EGFR: variants seen among roughly 807,000 people sequenced by gnomAD.
EGFR encodes epidermal growth factor receptor.
In EGFR, 58 loss-of-function variants were observed where a neutral mutation model predicts 143.0. That is an observed-to-expected ratio of 0.41 (90% CI 0.33 to 0.50). The LOEUF (loss-of-function observed/expected upper bound fraction) is 0.50, where lower values mean the gene tolerates loss of function less well. Among genes scored for constraint, EGFR ranks in the 20% least tolerant of loss-of-function variants. The pLI, the probability that EGFR is intolerant of heterozygous loss-of-function variation, is 0.39. For missense variants in EGFR, 1,307 were observed against 1,579.0 expected (o/e 0.83, Z 2.92); for synonymous variants, 613 against 594.4 (o/e 1.03, Z -0.45).
intron 14 of EGFR, among the ~76,000 whole-genome samples, chr7:55,164,955 A>T (rs975914992): frequency 6.6e-6 from 1 of 152,338 alleles, no homozygotes. Flanking sequence ...CTGACCATAA[A>T]TACACATTTG....
At chr7:55,058,172 G>T (rs940304673) in intron 1 of EGFR, among the ~76,000 whole-genome samples, 4 of 152,180 alleles carry the variant, frequency 2.6e-5, no homozygotes, top group Admixed American at 2.0e-4. Flanking sequence ...GAGGCGGGTG[G>T]ATCACGAGGT....
chr7:55,140,024 T>C (rs1189959399), intron 1 of EGFR, among the ~76,000 whole-genome samples: 1 of 151,862 alleles, frequency 6.6e-6, no homozygotes, highest in Non-Finnish European at 1.5e-5. Context: ...ATTCAAAAAG[T>C]GCTAAATAAG....
chr7:55,178,730 T>G (rs1227463103), intron 19 of EGFR, among the ~76,000 whole-genome samples: 1 of 152,234 alleles, frequency 6.6e-6, no homozygotes, highest in Non-Finnish European at 1.5e-5. Flanking sequence ...ATTAAATATC[T>G]CCTCTCTTCT....
chr7:55,089,223 A>C (rs1025564975), intron 1 of EGFR, among the ~76,000 whole-genome samples: 1 of 152,098 alleles, frequency 6.6e-6, no homozygotes, highest in Non-Finnish European at 1.5e-5. Context: ...CAGCCTATGC[A>C]TGTAATGGCT....
rs1788218341 is a variant in EGFR, at chr7:55,210,703, A to G, written c.*5086A>G. On this transcript the variant is annotated 3_prime_UTR_variant, in exon 28 of 28. Transcript: ENST00000275493. ...AGGTTCTCCAAGCACTAGAAGGGAG[A>G]GTGTCTAAACAATGGTTGAAAAGCA... 1 of 152,212 alleles carries G rather than the reference A, an allele frequency of 6.6e-6. No individual in the cohort carries two copies. Among genetic ancestry groups the G allele is most frequent in the Admixed American group, 6.5e-5 (1 of 15,288 alleles). The allele number at this position is 152,212 out of a possible 1,614,324, so 9.4% of individuals were successfully genotyped here.
intron 1 of EGFR, among the ~76,000 whole-genome samples, chr7:55,080,663 GA>G (rs917163927): frequency 1.3e-5 from 2 of 152,092 alleles, no homozygotes; most frequent in Non-Finnish European, 2.9e-5. Context: ...TTGTATACAT[GA>G]AAATTGCTAA....
chr7:55,026,759 C>T (rs1786911633), intron 1 of EGFR, among the ~76,000 whole-genome samples: 2 of 152,150 alleles, frequency 1.3e-5, no homozygotes, highest in African/African-American at 2.4e-5. Context: ...TAATCTCCCT[C>T]ACCCTAAAAC....
At chr7:55,071,127 T>A (rs970215624) in intron 1 of EGFR, among the ~76,000 whole-genome samples, 1 of 152,192 alleles carries the variant, frequency 6.6e-6, no homozygotes, top group Non-Finnish European at 1.5e-5. Context: ...GCCCTGACAC[T>A]GAGCAAGTTT....
chr7:55,145,713 G>A (rs1584150089), intron 3 of EGFR, among the ~76,000 whole-genome samples: 1 of 152,320 alleles, frequency 6.6e-6, no homozygotes, highest in Non-Finnish European at 1.5e-5. Flanking sequence ...AGTCACAGAT[G>A]CTCATTGCAC....
Position 55,146,619 on chromosome 7 carries a change from C to G in EGFR, c.438C>G (p.Gly146=), listed in dbSNP as rs199637112. The stretch of plus-strand genomic sequence containing the variant: ...ATTCTCCCGCAGAAATCCTGCATGG[C>G]GCCGTGCGGTTCAGCAACAACCCTG... The part of the protein sequence containing the change: ...PMRNLQEILH[G]AVRFSNNPAL... Residue 146 remains glycine (G), a synonymous_variant, in exon 4 of 28, where the codon GGC becomes GGG. Coordinates refer to ENST00000275493, the MANE Select transcript of EGFR (RefSeq NM_005228.5). 12 of 1,613,982 alleles carry G rather than the reference C, an allele frequency of 7.4e-6. No homozygotes were observed. The Admixed American group carries it at 1.0e-4, about 13-fold the overall frequency.
intron 23 of EGFR, among the ~76,000 whole-genome samples, 169 bp downstream of exon 23, chr7:55,199,032 C>T (rs942514914): frequency 3.2e-4 from 49 of 152,246 alleles, no homozygotes; most frequent in African/African-American, 1.1e-3. Context: ...CTTTTAAAGA[C>T]ACTTCTTGAC....
chr7:55,024,755 T>G (rs147794808), intron 1 of EGFR, among the ~76,000 whole-genome samples: 40 of 152,320 alleles, frequency 2.6e-4, no homozygotes, highest in African/African-American at 8.7e-4. Context: ...GATGTAAGAA[T>G]AAATTAGACT....
chr7:55,094,026 T>C (rs1791291911), intron 1 of EGFR, among the ~76,000 whole-genome samples: 1 of 152,136 alleles, frequency 6.6e-6, no homozygotes, highest in South Asian at 2.1e-4. Context: ...CAGTAGAGCG[T>C]GTGTAACGTA....
At chr7:55,089,177 T>G (rs1006493964) in intron 1 of EGFR, among the ~76,000 whole-genome samples, 1 of 152,248 alleles carries the variant, frequency 6.6e-6, no homozygotes, top group African/African-American at 2.4e-5. Context: ...AATTTTACTT[T>G]GCTTGAGAGC....
intron 1 of EGFR, among the ~76,000 whole-genome samples, chr7:55,027,988 AAAAATATATATATATATATATATAT>A (rs1374100448): frequency 3.4e-5 from 3 of 87,848 alleles, no homozygotes; most frequent in Admixed American, 2.6e-4. Context: ...AAAAAAAAAA[AAAAATATATATATATATATATATAT>A]ATATATATAT....
chr7:55,102,878 G>A (rs1485005570), intron 1 of EGFR, among the ~76,000 whole-genome samples: 1 of 152,156 alleles, frequency 6.6e-6, no homozygotes, highest in African/African-American at 2.4e-5. Flanking sequence ...TTTAAAGCAT[G>A]GAGGAGAGGG....
chr7:55,181,585 C>T (rs746186106), intron 20 of EGFR, 107 bp downstream of exon 20: 11 of 1,305,736 alleles, frequency 8.4e-6, no homozygotes, highest in African/African-American at 7.2e-5. Context: ...TATGTGTGTG[C>T]GTGCATGCAG....
intron 15 of EGFR, among the ~76,000 whole-genome samples, chr7:55,165,915 C>T (rs1388017921): frequency 6.6e-6 from 1 of 152,218 alleles, no homozygotes; most frequent in African/African-American, 2.4e-5. Flanking sequence ...CAGTGGCTCA[C>T]GCCTGTAATT....
At chr7:55,141,958 CA>C (rs1306469407) in intron 1 of EGFR, among the ~76,000 whole-genome samples, 2 of 152,194 alleles carry the variant, frequency 1.3e-5, no homozygotes, top group African/African-American at 4.8e-5. Flanking sequence ...TAAATTTCAA[CA>C]TTTTTTTATT....
Sources: gnomAD v4.1 joint callset for allele counts (sites outside exome capture counted in the v4.1 genomes callset) on GRCh38, gnomAD v4.1.1 for gene constraint, MANE v1.5 for transcripts, NCBI Gene and HGNC (gene_info 2026-07-23, HGNC 2026-07-21) for gene names.